The following ECI2 variants were observed in gnomAD, a reference collection of about 807,000 sequenced individuals.
ECI2 encodes the protein D3,D2-enoyl-CoA isomerase.
ECI2 carries 27 observed loss-of-function variants against 38.4 expected under a neutral mutation model. The observed-to-expected ratio is 0.70, with a 90% CI of 0.52 to 0.97. ECI2 has a LOEUF of 0.97. Among genes scored for constraint, ECI2 ranks in the 50% least tolerant of loss-of-function variants. The pLI, the probability that ECI2 is intolerant of heterozygous loss-of-function variation, is 0.00. For synonymous variants in ECI2, 168 were observed against 172.0 expected, an observed-to-expected ratio of 0.98 and a Z score of 0.18; for missense variants, 470 against 474.4, an observed-to-expected ratio of 0.99 and a Z score of 0.09.
chr6:4,116,826 A>G (rs1772310700), intron 9 of ECI2, among the ~76,000 whole-genome samples: 1 of 152,212 alleles, frequency 6.6e-6, no homozygotes, highest in Non-Finnish European at 1.5e-5. Flanking sequence ...TCGCTTCAGT[A>G]GGTGTGGGGC....
intron 7 of ECI2, among the ~76,000 whole-genome samples, chr6:4,120,705 T>A (rs1204507292): frequency 1.3e-5 from 2 of 150,310 alleles, no homozygotes; most frequent in African/African-American, 4.9e-5. Context: ...CCAGCCTGGA[T>A]GACAGAGTGA....
intron 2 of ECI2, 77 bp downstream of exon 2, chr6:4,133,471 TA>T: frequency 6.6e-7 from 1 of 1,504,638 alleles, no homozygotes; most frequent in Non-Finnish European, 8.9e-7. Flanking sequence ...GGCCACATTT[TA>T]GTAAACACAC....
At chr6:4,117,564 G>A (rs1413575844) in intron 8 of ECI2, 113 bp from the exon 9 acceptor site, 8 of 1,414,768 alleles carry the variant, frequency 5.7e-6, no homozygotes, top group Non-Finnish European at 6.6e-6. Flanking sequence ...TGAGGTTGCT[G>A]GTATTTCTCA....
intron 5 of ECI2, among the ~76,000 whole-genome samples, chr6:4,126,801 AGTGT>A (rs1773191650): frequency 6.6e-6 from 1 of 152,202 alleles, no homozygotes; most frequent in South Asian, 2.1e-4. Flanking sequence ...TATGTTTCTG[AGTGT>A]GTGTGTTTAA....
chr6:4,119,337 G>A, intron 7 of ECI2, 62 bp from the exon 8 acceptor site: 1 of 1,028,704 alleles, frequency 9.7e-7, no homozygotes, highest in Non-Finnish European at 1.4e-6. Context: ...TTTTTTTTTT[G>A]AGACAAAGGG....
rs192759900 is a variant in ECI2, at chr6:4,119,932, C to T, written c.796-657G>A. 2.2e-4 allele frequency among the ~76,000 whole-genome samples: 31 copies of T among 142,954 alleles called. No homozygotes were observed. In the East Asian group the frequency reaches 6.8e-3, roughly 32 times the overall value. 93.8% of individuals were successfully genotyped at this position (142,954 alleles called of 152,430 possible). On this transcript the variant is annotated intron_variant, in intron 7 of 9. Transcript: ENST00000380118. ...TTATAGAATGCTGTATAAGTGGAATCCTACATTCTGTAGCATTTTGAGTCT... is the reference window on the plus strand; with the variant it reads ...TTATAGAATGCTGTATAAGTGGAATTCTACATTCTGTAGCATTTTGAGTCT...
intron 3 of ECI2, 25 bp from the exon 4 acceptor site, chr6:4,130,585 T>C (rs1773456453): frequency 6.2e-7 from 1 of 1,613,990 alleles, no homozygotes; most frequent in African/African-American, 1.3e-5. Flanking sequence ...ACAAACAACC[T>C]CAGCCCATGG....
At chr6:4,135,266 C>T in intron 1 of ECI2, 2 of 1,197,320 alleles carry the variant, frequency 1.7e-6, no homozygotes, top group Non-Finnish European at 1.2e-6. Flanking sequence ...TTGGGGACTG[C>T]TGACAGGGAA....
intron 5 of ECI2, among the ~76,000 whole-genome samples, chr6:4,126,824 C>G (rs1017915385): frequency 6.6e-6 from 1 of 152,168 alleles, no homozygotes; most frequent in Admixed American, 6.6e-5. Context: ...AATTAAAGTA[C>G]AATTTATATA....
chr6:4,130,078 TA>T (rs1475935087), intron 4 of ECI2: 6 of 1,601,146 alleles, frequency 3.7e-6, no homozygotes, highest in Non-Finnish European at 5.1e-6. Context: ...AGATGGCTTC[TA>T]TGCAAATTCT....
chr6:4,122,920 A>G (rs1250171910), intron 7 of ECI2, among the ~76,000 whole-genome samples: 1 of 152,156 alleles, frequency 6.6e-6, no homozygotes, highest in Non-Finnish European at 1.5e-5. Flanking sequence ...AAGATTTATT[A>G]TTGTTATGAT....
At chr6:4,123,047 T>C (rs553976524) in intron 7 of ECI2, among the ~76,000 whole-genome samples, 2 of 152,332 alleles carry the variant, frequency 1.3e-5, no homozygotes, top group Non-Finnish European at 2.9e-5. Flanking sequence ...AATATTTTGG[T>C]TATATGGGTT....
chr6:4,128,610 A>G (rs1469164315), intron 4 of ECI2, among the ~76,000 whole-genome samples: 1 of 152,212 alleles, frequency 6.6e-6, no homozygotes, highest in Non-Finnish European at 1.5e-5. Context: ...TCCATGGACA[A>G]CCAATCACAG....
chr6:4,122,619 C>T (rs947786996), intron 7 of ECI2, among the ~76,000 whole-genome samples: 2 of 152,080 alleles, frequency 1.3e-5, no homozygotes, highest in African/African-American at 4.8e-5. Flanking sequence ...CCTCAGCCTA[C>T]CAAGTAGCTG....
chr6:4,129,358 C>T (rs568497630), intron 4 of ECI2, among the ~76,000 whole-genome samples: 1 of 152,314 alleles, frequency 6.6e-6, no homozygotes, highest in South Asian at 2.1e-4. Context: ...AAGTGATCTG[C>T]CCACCTTGGC....
intron 7 of ECI2, among the ~76,000 whole-genome samples, chr6:4,123,642 A>G (rs1026894746): frequency 1.3e-5 from 2 of 151,848 alleles, no homozygotes; most frequent in African/African-American, 4.8e-5. Flanking sequence ...TACAATTTAT[A>G]TCATAAGATG....
intron 4 of ECI2, among the ~76,000 whole-genome samples, chr6:4,129,025 G>C (rs1773354340): frequency 6.6e-6 from 1 of 152,128 alleles, no homozygotes; most frequent in Admixed American, 6.5e-5. Flanking sequence ...ATTAGGAGAT[G>C]GATTATCAGG....
chr6:4,132,621 T>C (rs1003102382), intron 2 of ECI2, among the ~76,000 whole-genome samples: 12 of 152,180 alleles, frequency 7.9e-5, no homozygotes, highest in Non-Finnish European at 1.8e-4. Context: ...GTCTTTGGCA[T>C]TGAAACTTAA....
At chr6:4,130,905 T>TA in intron 2 of ECI2, 40 bp from the exon 3 acceptor site, 1 of 1,575,968 alleles carries the variant, frequency 6.3e-7, no homozygotes. Context: ...AATGTCCATG[T>TA]AAACTAGACC....
Sources: gnomAD v4.1 joint callset for allele counts (sites outside exome capture counted in the v4.1 genomes callset) on GRCh38, gnomAD v4.1.1 for gene constraint, MANE v1.5 for transcripts, NCBI Gene and HGNC (gene_info 2026-07-23, HGNC 2026-07-21) for gene names.